CCDC141: variants seen among roughly 807,000 people sequenced by gnomAD.
The protein encoded by CCDC141 is coiled-coil domain-containing protein 141.
Under a neutral mutation model 181.0 loss-of-function variants are expected in CCDC141, and 168 were observed. That is an observed-to-expected ratio of 0.93 (90% CI 0.82 to 1.05). The LOEUF (loss-of-function observed/expected upper bound fraction) is 1.05. CCDC141 is among the 50% of genes least tolerant of loss of function. The probability of loss-of-function intolerance (pLI) is 0.00; values close to 1 mark genes in which losing one functional copy is unlikely to be tolerated. For missense variants in CCDC141, 1,902 were observed against 1,788.5 expected (o/e 1.06, Z -1.14); for synonymous variants, 666 against 642.3 (o/e 1.04, Z -0.56).
intron 2 of CCDC141, among the ~76,000 whole-genome samples, chr2:179,041,491 GTTTTT>G (rs35229059): frequency 1.4e-4 from 8 of 58,864 alleles, no homozygotes; most frequent in African/African-American, 2.9e-4. Flanking sequence ...TTGGTTGTGG[GTTTTT>G]TTTTTTTTTT....
chr2:178,929,841 T>C (rs1689033647), intron 6 of CCDC141, among the ~76,000 whole-genome samples: 1 of 152,000 alleles, frequency 6.6e-6, no homozygotes, highest in Non-Finnish European at 1.5e-5. Flanking sequence ...TGGAGATTGT[T>C]AGTAATGTAG....
intron 2 of CCDC141, among the ~76,000 whole-genome samples, chr2:179,017,827 T>C (rs934352271): frequency 1.3e-5 from 2 of 152,116 alleles, no homozygotes; most frequent in African/African-American, 4.8e-5. Context: ...AAGCAGACTT[T>C]GTGTTGACGA....
At chr2:178,961,837 C>T (rs1445116574) in intron 4 of CCDC141, among the ~76,000 whole-genome samples, 1 of 152,154 alleles carries the variant, frequency 6.6e-6, no homozygotes, top group Non-Finnish European at 1.5e-5. Context: ...GGTGATTGGA[C>T]TGAAGCTGAG....
At chr2:179,026,981 T>C (rs1403775403) in intron 2 of CCDC141, among the ~76,000 whole-genome samples, 3 of 152,254 alleles carry the variant, frequency 2.0e-5, no homozygotes, top group Admixed American at 6.5e-5. Context: ...TGTACCTTCA[T>C]TGTATCTAGG....
In CCDC141 at chr2:178,837,564, G is replaced by T; in HGVS notation, c.3655C>A (p.Leu1219Ile). The part of the protein sequence containing the change: ...VSPDDISLPP[L>I]PGSPESPLAP... ...AGAGGGGACTCAGGGCTTCCTGGGA[G>T]AGGAGGCAAGGAGATGTCATCAGGT... Residue 1219 changes from leucine to isoleucine, a missense_variant, in exon 23 of 24, where the codon CTC becomes ATC. Leu to Ile is a conservative substitution (Grantham distance 5, BLOSUM62 2). Coordinates refer to ENST00000443758, the MANE Select transcript of CCDC141 (RefSeq NM_173648.4). The T allele has an allele frequency of 6.2e-7, 1 of 1,613,890 alleles. No homozygotes were observed. The highest frequency in any genetic ancestry group is 8.5e-7 in the Non-Finnish European group (1 of 1,179,882).
At chr2:178,881,935 A>T (rs1198328519) in intron 11 of CCDC141, among the ~76,000 whole-genome samples, 30 of 150,894 alleles carry the variant, frequency 2.0e-4, no homozygotes, top group African/African-American at 5.1e-4. Flanking sequence ...ACACACACAC[A>T]CACACACACA....
At chr2:178,842,173 C>A (rs1684753465) in intron 22 of CCDC141, among the ~76,000 whole-genome samples, 1 of 152,114 alleles carries the variant, frequency 6.6e-6, no homozygotes, top group African/African-American at 2.4e-5. Flanking sequence ...TGAGTTCTGG[C>A]AAAATAGCTG....
intron 2 of CCDC141, among the ~76,000 whole-genome samples, chr2:178,996,289 G>C (rs1692285073): frequency 6.6e-6 from 1 of 152,072 alleles, no homozygotes; most frequent in African/African-American, 2.4e-5. Flanking sequence ...TGTTGGCCAG[G>C]CTGGTCTCAA....
intron 2 of CCDC141, chr2:179,001,823 T>C (rs1277688920): frequency 6.6e-6 from 1 of 152,074 alleles, no homozygotes; most frequent in Non-Finnish European, 1.5e-5. Context: ...CAACGCAAAG[T>C]TCTTTTTTTC....
At chr2:178,986,421 C>T (rs1188757781) in intron 2 of CCDC141, among the ~76,000 whole-genome samples, 2 of 152,196 alleles carry the variant, frequency 1.3e-5, no homozygotes, top group Admixed American at 6.5e-5. Context: ...CAGGGATGCC[C>T]TCTGTCACCA....
At chr2:179,013,657 A>G (rs1027847627) in intron 2 of CCDC141, among the ~76,000 whole-genome samples, 1 of 152,108 alleles carries the variant, frequency 6.6e-6, no homozygotes, top group East Asian at 1.9e-4. Context: ...ACATAGCCAA[A>G]GCAAGACTAA....
intron 2 of CCDC141, among the ~76,000 whole-genome samples, chr2:179,013,755 C>CAGGA (rs776142921): frequency 4.1e-4 from 62 of 151,856 alleles, no homozygotes; most frequent in Non-Finnish European, 7.7e-4. Context: ...ATCACGAGGT[C>CAGGA]AGGAGATCGA....
At chr2:178,904,743 T>A (rs1447122841) in intron 8 of CCDC141, among the ~76,000 whole-genome samples, 1 of 152,192 alleles carries the variant, frequency 6.6e-6, no homozygotes, top group African/African-American at 2.4e-5. Flanking sequence ...TCTTTCTCTC[T>A]CTTCATGCCC....
intron 5 of CCDC141, among the ~76,000 whole-genome samples, chr2:178,947,427 G>T (rs376041988): frequency 1.3e-5 from 2 of 152,182 alleles, no homozygotes; most frequent in Admixed American, 6.5e-5. Context: ...TTGGTTCTGG[G>T]CAATGATGGA....
At chr2:178,886,031 T>C in intron 10 of CCDC141, among the ~76,000 whole-genome samples, 1 of 151,942 alleles carries the variant, frequency 6.6e-6, no homozygotes, top group Non-Finnish European at 1.5e-5. Flanking sequence ...GTATTCTAAA[T>C]AATAAATAAA....
In CCDC141 at chr2:178,979,803, A is replaced by G. The variant is rs1162579778; in HGVS notation, c.226-1128T>C. ...GTATCTGTGGCACTGAAATATTTCA[A>G]GTAGATATAACCAGTCTTACATCAA... On this transcript the variant is annotated intron_variant, in intron 2 of 23. Coordinates refer to ENST00000443758, the MANE Select transcript of CCDC141 (RefSeq NM_173648.4). 2.0e-5 allele frequency among the ~76,000 whole-genome samples: 3 copies of G among 152,202 alleles called. 1 individual carries two copies. Among genetic ancestry groups the G allele is most frequent in the East Asian group, 3.8e-4 (2 of 5,202 alleles).
chr2:178,855,795 G>C lies in CCDC141; in HGVS notation c.2866-254C>G, dbSNP rs1354483306. On this transcript the variant is annotated intron_variant, in intron 18 of 23. Coordinates refer to ENST00000443758, the MANE Select transcript of CCDC141 (RefSeq NM_173648.4). ...GACTAGTAATATGATCTTTTTTAAA[G>C]ACATTGATGATTAAATCAAATACTT... 1.3e-5 allele frequency among the ~76,000 whole-genome samples: 2 copies of C among 152,166 alleles called. 1 individual carries two copies. The highest frequency in any genetic ancestry group is 3.8e-4 in the East Asian group (2 of 5,200).
chr2:179,013,879 A>C (rs1476905250), intron 2 of CCDC141, among the ~76,000 whole-genome samples: 1 of 140,724 alleles, frequency 7.1e-6, no homozygotes, highest in Admixed American at 7.9e-5. Context: ...AATGGCGTGA[A>C]CCTGGGAGGT....
intron 8 of CCDC141, among the ~76,000 whole-genome samples, chr2:178,896,371 C>A (rs1227554157): frequency 2.0e-5 from 3 of 152,296 alleles, no homozygotes; most frequent in Admixed American, 2.0e-4. Context: ...CCTTGATGTG[C>A]AGCTCCCTGA....
Sources: gnomAD v4.1 joint callset for allele counts (sites outside exome capture counted in the v4.1 genomes callset) on GRCh38, gnomAD v4.1.1 for gene constraint, MANE v1.5 for transcripts, NCBI Gene and HGNC (gene_info 2026-07-23, HGNC 2026-07-21) for gene names.